Variants in PSME3 observed in about 807,000 individuals in gnomAD.
PSME3 encodes proteasome activator complex subunit 3.
PSME3 carries 7 observed loss-of-function variants against 38.3 expected under a neutral mutation model. The observed-to-expected ratio is 0.18, with a 90% CI of 0.10 to 0.34. The LOEUF (loss-of-function observed/expected upper bound fraction) is 0.34. Ranked by LOEUF, PSME3 falls within the 10% of genes least tolerant of loss-of-function variation. The pLI, the probability that PSME3 is intolerant of heterozygous loss-of-function variation, is 1.00. For missense variants in PSME3, 192 were observed against 307.6 expected (o/e 0.62, Z 2.81); for synonymous variants, 108 against 105.7 (o/e 1.02, Z -0.13).
Position 42,833,678 on chromosome 17 carries a change from C to T in PSME3, c.42+5C>T. 1 of 1,614,184 alleles carries T rather than the reference C, an allele frequency of 6.2e-7. No homozygotes were observed. Among genetic ancestry groups the T allele is most frequent in the Non-Finnish European group, 8.5e-7 (1 of 1,180,014 alleles). On this transcript the variant is annotated splice_donor_5th_base_variant and intron_variant, in intron 1 of 10. Transcript: ENST00000590720. ...GATCAGGAAGTGAAGCTCAAGGTAGCGGCACCGGTCCGGCCTTTTTGCCCC... is the reference window on the plus strand; with the variant it reads ...GATCAGGAAGTGAAGCTCAAGGTAGTGGCACCGGTCCGGCCTTTTTGCCCC...
chr17:42,838,025 G>T, intron 5 of PSME3, 68 bp from the exon 6 acceptor site: 1 of 1,537,016 alleles, frequency 6.5e-7, no homozygotes, highest in Non-Finnish European at 9.0e-7. Context: ...TAGGGAAAAT[G>T]AGAGAGAGGC....
At chr17:42,841,132 C>CAAAAA (rs35142424) in intron 10 of PSME3, among the ~76,000 whole-genome samples, 1 of 63,776 alleles carries the variant, frequency 1.6e-5, no homozygotes. Context: ...GACCGTGTCT[C>CAAAAA]AAAAAAAAAA....
chr17:42,833,872 G>A, intron 1 of PSME3, 199 bp downstream of exon 1: 1 of 1,482,834 alleles, frequency 6.7e-7, no homozygotes. Context: ...CGCGTCTGAT[G>A]ATGGAGAGTC....
chr17:42,838,671 T>A, intron 6 of PSME3, 60 bp from the exon 7 acceptor site: 1 of 1,485,438 alleles, frequency 6.7e-7, no homozygotes, highest in East Asian at 2.3e-5. Flanking sequence ...GCCGTCTGAA[T>A]TGTGTACTTC....
At position 42,842,710 on chromosome 17, in the gene PSME3, G is replaced by A. The variant is rs1382950580; in HGVS notation, c.*1132G>A. The A allele has an allele frequency of 6.5e-6, 1 of 152,794 alleles. No individual in the cohort carries two copies. The highest frequency in any genetic ancestry group is 1.5e-5 in the Non-Finnish European group (1 of 68,052). 9.5% of individuals were successfully genotyped at this position (152,794 alleles called of 1,614,324 possible). On this transcript the variant is annotated 3_prime_UTR_variant, in exon 11 of 11. Transcript: ENST00000590720. ...TACACATTTGTGTATGTGGAAATGT[G>A]CTGGGCAAGTCAAAACTATAGAAGA...
Position 42,842,251 on chromosome 17 carries a change from G to C in PSME3, c.*673G>C, listed in dbSNP as rs547441719. 1 of 152,510 alleles carries C rather than the reference G, an allele frequency of 6.6e-6. No homozygotes were observed. Among genetic ancestry groups the C allele is most frequent in the Non-Finnish European group, 1.5e-5 (1 of 68,032 alleles). 9.4% of individuals were successfully genotyped at this position (152,510 alleles called of 1,614,324 possible). A position where few individuals can be genotyped will look rare whatever the true frequency, so the allele number is the denominator to read the frequency against. ...ACGCCCATACAGACATGCACACACAGACTCCTACTCCATTAGCTAACATAC... is the reference window on the plus strand; with the variant it reads ...ACGCCCATACAGACATGCACACACACACTCCTACTCCATTAGCTAACATAC... On this transcript the variant is annotated 3_prime_UTR_variant, in exon 11 of 11. Transcript: ENST00000590720.
At chr17:42,834,289 A>G (rs762135636) in intron 1 of PSME3, 55 bp from the exon 2 acceptor site, 1 of 1,612,938 alleles carries the variant, frequency 6.2e-7, no homozygotes. Flanking sequence ...GGGATTCTCC[A>G]TCCTGCTCTT....
chr17:42,843,550 C>T lies in PSME3; in HGVS notation c.*1972C>T, dbSNP rs2055560148. 6.6e-6 allele frequency: 1 copy of T among 152,312 alleles called. No individual in the cohort carries two copies. The highest frequency in any genetic ancestry group is 1.5e-5 in the Non-Finnish European group (1 of 68,040). The allele number at this position is 152,312 out of a possible 1,614,324, so 9.4% of individuals were successfully genotyped here. On this transcript the variant is annotated 3_prime_UTR_variant, in exon 11 of 11. Transcript: ENST00000590720. Reference sequence around the variant, plus strand: ...TTCCCGAGTGATACCCATGAACTGCCAGTAGAGGCTGCTATCGTTCCATGT... The same window carrying T: ...TTCCCGAGTGATACCCATGAACTGCTAGTAGAGGCTGCTATCGTTCCATGT...
intron 1 of PSME3, 116 bp downstream of exon 1, chr17:42,833,789 C>G: frequency 6.3e-7 from 1 of 1,598,566 alleles, no homozygotes; most frequent in Non-Finnish European, 8.5e-7. Context: ...TGAGCTTCCG[C>G]TCGGCTCAGC....
Position 42,834,886 on chromosome 17 carries a change from CTATATT to C in PSME3, c.243+14_243+19del, listed in dbSNP as rs1462186318. On this transcript the variant is annotated intron_variant, in intron 4 of 10. Transcript: ENST00000590720. ...TGATGGACTGGATGGTGTAAGTGTC[CTATATT>C]TATCTTTGTGTTCTTGAGCAGTAGG... is the stretch of plus-strand genomic sequence containing the variant. 3 of 1,612,950 alleles carry C rather than the reference CTATATT, an allele frequency of 1.9e-6. No individual in the cohort carries two copies. The African/African-American group carries it at 4.0e-5, about 22-fold the overall frequency.
chr17:42,838,135 A>G lies in PSME3; in HGVS notation c.335A>G (p.Asn112Ser). 1.2e-6 allele frequency: 2 copies of G among 1,614,144 alleles called. No individual in the cohort carries two copies. The highest frequency in any genetic ancestry group is 8.5e-7 in the Non-Finnish European group (1 of 1,180,032). The change falls in exon 6 of 11, where the codon AAC becomes AGC. Residue 112 changes from asparagine (N) to serine (S), a missense_variant. By Grantham distance (46) the Asn-to-Ser change is conservative (BLOSUM62 1). Around this residue, in one of 2 missense-constraint regions of PSME3, gnomAD observed 110 missense variants for 139.3 expected, o/e 0.79. Coordinates refer to ENST00000590720, the MANE Select transcript of PSME3 (RefSeq NM_005789.4). ...ATGCCCAATGGGATGCTGAAAAGCA[A>G]CCAGCAGCTGGTGGACATTATTGAG... ...FVMPNGMLKS[N>S]QQLVDIIEKV...
intron 4 of PSME3, among the ~76,000 whole-genome samples, chr17:42,835,980 A>T (rs1298790956): frequency 6.7e-6 from 1 of 149,790 alleles, no homozygotes; most frequent in African/African-American, 2.5e-5. Context: ...GAACTTGTAC[A>T]TCTGGAAGGC....
intron 3 of PSME3, 31 bp downstream of exon 3, chr17:42,834,608 C>T (rs1261252221): frequency 1.2e-6 from 2 of 1,612,172 alleles, no homozygotes; most frequent in Admixed American, 1.7e-5. Flanking sequence ...CTCAAATTCC[C>T]CAATTTTTTT....
intron 10 of PSME3, among the ~76,000 whole-genome samples, chr17:42,840,382 G>C (rs1455338526): frequency 6.6e-6 from 1 of 152,086 alleles, no homozygotes; most frequent in African/African-American, 2.4e-5. Flanking sequence ...GAGGCAGGTG[G>C]ATCACATGAG....
rs555927087 is a variant in PSME3 at position 42,836,800 on chromosome 17, G to A, written c.244-849G>A. On this transcript the variant is annotated intron_variant, in intron 4 of 10. Transcript: ENST00000590720. ...TGGTCTCAAGCTCCTGAGCTCAAGC[G>A]ATCTGTGTGCCTTGGCCTCCCAAAG... Among the ~76,000 whole-genome samples, 8 of 151,698 alleles carry A rather than the reference G, an allele frequency of 5.3e-5. No individual in the cohort carries two copies. The East Asian group carries it at 1.4e-3, about 26-fold the overall frequency.
In PSME3 at chr17:42,843,737, G is replaced by GT. The variant is rs1352207317; in HGVS notation, c.*2162dup. 6.6e-6 allele frequency: 1 copy of GT among 152,330 alleles called. No individual in the cohort carries two copies. The highest frequency in any genetic ancestry group is 1.5e-5 in the Non-Finnish European group (1 of 68,032). The allele number at this position is 152,330 out of a possible 1,614,324, so 9.4% of individuals were successfully genotyped here. A position where few individuals can be genotyped will look rare whatever the true frequency, so the allele number is the denominator to read the frequency against. On this transcript the variant is annotated 3_prime_UTR_variant, in exon 11 of 11. Coordinates refer to ENST00000590720, the MANE Select transcript of PSME3 (RefSeq NM_005789.4). ...GGAATCTATCTCCCTCTGAAATAAA[G>GT]TTTCCTCATCTTCCACCTTGCAAGT...
At chr17:42,839,794 C>T (rs940784949) in intron 10 of PSME3, among the ~76,000 whole-genome samples, 3 of 152,034 alleles carry the variant, frequency 2.0e-5, no homozygotes, top group Admixed American at 1.3e-4. Flanking sequence ...GTCAGGAGTT[C>T]GAGACCAGCC....
At chr17:42,840,400 G>C (rs2144257352) in intron 10 of PSME3, among the ~76,000 whole-genome samples, 1 of 152,306 alleles carries the variant, frequency 6.6e-6, no homozygotes, top group East Asian at 1.9e-4. Context: ...GAGGTCAGGA[G>C]TTTTTGACCA....
rs2144238915 is a variant in PSME3 at position 42,833,978 on chromosome 17, C to T, written c.42+305C>T. ...CCAACAACGTCCCTGGACACTGCCCCTGCCCTTGGCGGCTGGCCTGCCTAG... is the reference window on the plus strand; with the variant it reads ...CCAACAACGTCCCTGGACACTGCCCTTGCCCTTGGCGGCTGGCCTGCCTAG... On this transcript the variant is annotated intron_variant, in intron 1 of 10. Transcript: ENST00000590720. The T allele has an allele frequency of 2.1e-6, 3 of 1,437,922 alleles. No individual in the cohort carries two copies. The South Asian group carries it at 4.5e-5, about 22-fold the overall frequency. 89.1% of individuals were successfully genotyped at this position (1,437,922 alleles called of 1,614,324 possible).
Sources: allele counts gnomAD v4.1 joint callset (sites outside exome capture counted in the v4.1 genomes callset), GRCh38; gene constraint gnomAD v4.1.1; regional missense constraint gnomAD v4.1.1; transcripts MANE v1.5; gene names NCBI Gene and HGNC (gene_info 2026-07-23, HGNC 2026-07-21).